RBFOX1: variants seen among roughly 807,000 people sequenced by gnomAD.
RBFOX1 encodes RNA binding fox-1 homolog 1, also known as RNA binding protein fox-1 homolog 1.
In RBFOX1, 8 loss-of-function variants were observed where a neutral mutation model predicts 57.7. The observed-to-expected ratio is 0.14, with a 90% confidence interval of 0.08 to 0.25. The LOEUF is 0.25. RBFOX1 is among the 10% of genes least tolerant of loss of function. RBFOX1 has a pLI of 1.00. For synonymous variants in RBFOX1, 326 were observed against 222.4 expected, an observed-to-expected ratio of 1.47 and a Z score of -4.15; for missense variants, 611 against 548.5, an observed-to-expected ratio of 1.11 and a Z score of -1.14.
At chr16:5,736,536 G>A (rs78192219) in intron 3 of RBFOX1, among the ~76,000 whole-genome samples, 5,482 of 152,210 alleles carry the variant, frequency 0.036, 154 homozygotes, top group East Asian at 0.14. Context: ...TTTCCTGGAT[G>A]CCTGGGCCGA....
chr16:7,493,122 G>T (rs1034282979), intron 4 of RBFOX1, among the ~76,000 whole-genome samples: 1 of 152,092 alleles, frequency 6.6e-6, no homozygotes, highest in Non-Finnish European at 1.5e-5. Flanking sequence ...TAGGGGATTC[G>T]CCCGCCTCTG....
chr16:6,993,638 C>T (rs1052500910), intron 3 of RBFOX1, among the ~76,000 whole-genome samples: 10 of 152,152 alleles, frequency 6.6e-5, no homozygotes, highest in Non-Finnish European at 2.9e-5. Context: ...AGCCGGGCCA[C>T]TTCTTCACTG....
intron 1 of RBFOX1, among the ~76,000 whole-genome samples, chr16:6,295,632 T>A (rs2078014316): frequency 6.6e-6 from 1 of 152,246 alleles, no homozygotes; most frequent in African/African-American, 2.4e-5. Context: ...TGTCTGTGTT[T>A]ATGAGCGGTC....
intron 2 of RBFOX1, among the ~76,000 whole-genome samples, chr16:6,650,934 A>G (rs1158624164): frequency 6.6e-6 from 1 of 152,250 alleles, no homozygotes; most frequent in Non-Finnish European, 1.5e-5. Context: ...ACAGAGTCTC[A>G]CTTCGTTGCC....
chr16:6,999,216 A>ATTTTTTTTTTTT (rs374767232), intron 3 of RBFOX1, among the ~76,000 whole-genome samples: 3 of 109,038 alleles, frequency 2.8e-5, no homozygotes, highest in African/African-American at 6.8e-5. Context: ...ATTTTTATTT[A>ATTTTTTTTTTTT]TTTTTTTTAT....
In RBFOX1 at chr16:7,075,620, G is replaced by A. The variant is rs575632695; in HGVS notation, c.27+23522G>A. 3.3e-5 allele frequency among the ~76,000 whole-genome samples: 5 copies of A among 151,574 alleles called. No homozygotes were observed. The South Asian group carries it at 1.0e-3, about 32-fold the overall frequency. ...TTATGAGACGGAGTCTCGCTCTGTT[G>A]CGCAGGCTGGAGTGCAGTGGTGCGA... On this transcript the variant is annotated intron_variant, in intron 4 of 15. Transcript: ENST00000550418.
At chr16:7,049,061 C>T (rs1313666344) in intron 3 of RBFOX1, among the ~76,000 whole-genome samples, 4 of 152,134 alleles carry the variant, frequency 2.6e-5, no homozygotes, top group Admixed American at 6.5e-5. Flanking sequence ...CAGACATGAG[C>T]ACAGAGGTCA....
At position 6,978,137 on chromosome 16, in the gene RBFOX1, C is replaced by T. The variant is rs940509469; in HGVS notation, c.-15-73920C>T. Reference sequence around the variant, plus strand: ...TCCAGCCCTGAACACAACAGCCGGGCATGATGCCCTGGGCCCCATGGCATA... The same window carrying T: ...TCCAGCCCTGAACACAACAGCCGGGTATGATGCCCTGGGCCCCATGGCATA... On this transcript the variant is annotated intron_variant, in intron 3 of 15. Coordinates refer to ENST00000550418, the MANE Select transcript of RBFOX1 (RefSeq NM_018723.4). 4.0e-5 allele frequency among the ~76,000 whole-genome samples: 6 copies of T among 151,704 alleles called. No individual in the cohort carries two copies. The East Asian group carries it at 1.2e-3, about 30-fold the overall frequency.
chr16:6,440,611 G>A (rs1279248865), intron 2 of RBFOX1, among the ~76,000 whole-genome samples: 1 of 152,022 alleles, frequency 6.6e-6, no homozygotes, highest in Non-Finnish European at 1.5e-5. Context: ...GATCATCCTG[G>A]CCAATACGGT....
At chr16:5,856,187 C>CTCTCTATATA (rs1430331422) in intron 3 of RBFOX1, among the ~76,000 whole-genome samples, 7 of 31,068 alleles carry the variant, frequency 2.3e-4, no homozygotes, top group African/African-American at 7.1e-4. Flanking sequence ...CTCTCTCTCT[C>CTCTCTATATA]TATATATATA....
intron 4 of RBFOX1, among the ~76,000 whole-genome samples, chr16:7,277,474 A>G (rs2095463411): frequency 6.6e-6 from 1 of 152,216 alleles, no homozygotes; most frequent in African/African-American, 2.4e-5. Context: ...CGAATAGGAC[A>G]CCATTTAATT....
At chr16:7,041,963 T>G (rs1395424793) in intron 3 of RBFOX1, among the ~76,000 whole-genome samples, 7 of 152,318 alleles carry the variant, frequency 4.6e-5, no homozygotes, top group East Asian at 3.9e-4. Flanking sequence ...TTATATAATA[T>G]GGCTAACGTT....
At chr16:7,360,467 C>G (rs764250233) in intron 4 of RBFOX1, among the ~76,000 whole-genome samples, 2 of 152,124 alleles carry the variant, frequency 1.3e-5, no homozygotes, top group African/African-American at 4.8e-5. Context: ...GAAGCCTTTA[C>G]TAATTCTTGA....
intron 4 of RBFOX1, among the ~76,000 whole-genome samples, chr16:7,396,640 C>A (rs948735722): frequency 1.3e-5 from 2 of 152,174 alleles, no homozygotes; most frequent in Admixed American, 1.3e-4. Flanking sequence ...GACAACACTT[C>A]TCAAAACACA....
At chr16:6,625,763 G>T (rs1237652714) in intron 2 of RBFOX1, among the ~76,000 whole-genome samples, 1 of 150,548 alleles carries the variant, frequency 6.6e-6, no homozygotes, top group African/African-American at 2.4e-5. Flanking sequence ...CATTACATTT[G>T]CAAGTGCATT....
At chr16:6,953,604 C>G (rs980649405) in intron 3 of RBFOX1, among the ~76,000 whole-genome samples, 1 of 152,136 alleles carries the variant, frequency 6.6e-6, no homozygotes, top group Non-Finnish European at 1.5e-5. Context: ...CCAGCGTGGT[C>G]TGAAACTGCT....
intron 2 of RBFOX1, among the ~76,000 whole-genome samples, chr16:6,633,456 A>G (rs1188467981): frequency 6.6e-6 from 1 of 151,692 alleles, no homozygotes; most frequent in African/African-American, 2.4e-5. Context: ...TTTTGCATTT[A>G]TTATTATTAT....
intron 1 of RBFOX1, among the ~76,000 whole-genome samples, chr16:6,214,150 G>GAC (rs1209336819): frequency 1.3e-5 from 2 of 152,196 alleles, no homozygotes; most frequent in Non-Finnish European, 2.9e-5. Flanking sequence ...TTGTCATTGA[G>GAC]ACGTTGCATG....
intron 4 of RBFOX1, among the ~76,000 whole-genome samples, chr16:7,216,278 A>G (rs1489440752): frequency 6.6e-6 from 1 of 152,146 alleles, no homozygotes; most frequent in East Asian, 1.9e-4. Context: ...AGGTTCTCTC[A>G]TTGACCATGA....
Sources: allele counts gnomAD v4.1 joint callset (sites outside exome capture counted in the v4.1 genomes callset), GRCh38; gene constraint gnomAD v4.1.1; transcripts MANE v1.5; gene names NCBI Gene and HGNC (gene_info 2026-07-23, HGNC 2026-07-21).